The following L3MBTL4 variants were observed in gnomAD, a reference collection of about 807,000 sequenced individuals.
The protein encoded by L3MBTL4 is L3MBTL histone methyl-lysine binding protein 4.
Under a neutral mutation model 84.5 loss-of-function variants are expected in L3MBTL4, and 70 were observed. That is an observed-to-expected ratio of 0.83 (90% CI 0.68 to 1.01). The LOEUF (loss-of-function observed/expected upper bound fraction) is 1.01. L3MBTL4 is among the 50% of genes least tolerant of loss of function. L3MBTL4 has a pLI of 0.00. For synonymous variants in L3MBTL4, 274 were observed against 259.8 expected, an observed-to-expected ratio of 1.05 and a Z score of -0.52; for missense variants, 715 against 754.8, an observed-to-expected ratio of 0.95 and a Z score of 0.62.
At chr18:6,295,340 C>CTA (rs1477775190) in intron 4 of L3MBTL4, among the ~76,000 whole-genome samples, 86 of 122,692 alleles carry the variant, frequency 7.0e-4, no homozygotes, top group Middle Eastern at 7.9e-3. Flanking sequence ...CTCTCTCTCT[C>CTA]TCTCTCTATA....
In L3MBTL4 at chr18:6,213,181, T is replaced by C. The variant is rs1413398825; in HGVS notation, c.949A>G (p.Thr317Ala). Reference sequence around the variant, plus strand: ...CTTTGGTCATCAACATCTACAATCGTAGCAACACGAATTAACCTGGGGTTC... The same window carrying C: ...CTTTGGTCATCAACATCTACAATCGCAGCAACACGAATTAACCTGGGGTTC... ...KRNPRLIRVA[T>A]IVDVDDQRVK... Residue 317 changes from threonine to alanine, a missense_variant, in exon 12 of 19, where the codon ACG (threonine) becomes GCG (alanine). Physicochemically the swap from Thr to Ala is moderately conservative, Grantham distance 58. Transcript: ENST00000317931. 3 of 1,607,636 alleles carry C rather than the reference T, an allele frequency of 1.9e-6. No individual in the cohort carries two copies. The highest frequency in any genetic ancestry group is 3.4e-5 in the Admixed American group (2 of 58,934).
chr18:6,383,350 C>G (rs1168344238), intron 1 of L3MBTL4, among the ~76,000 whole-genome samples: 1 of 152,042 alleles, frequency 6.6e-6, no homozygotes, highest in African/African-American at 2.4e-5. Flanking sequence ...CCAGGTGCCA[C>G]TGGGATACAA....
chr18:6,326,514 T>C (rs1012836892), intron 1 of L3MBTL4: 14 of 152,226 alleles, frequency 9.2e-5, no homozygotes, highest in African/African-American at 3.1e-4. Context: ...ATCTTAGATC[T>C]TCTTCCTGCA....
intron 10 of L3MBTL4, among the ~76,000 whole-genome samples, chr18:6,219,208 C>T (rs1312442095): frequency 6.6e-6 from 1 of 151,884 alleles, no homozygotes; most frequent in African/African-American, 2.4e-5. Flanking sequence ...GTGGCTCCAT[C>T]AACCTCATAC....
intron 1 of L3MBTL4, among the ~76,000 whole-genome samples, chr18:6,314,011 G>T (rs1245212127): frequency 6.6e-6 from 1 of 151,874 alleles, no homozygotes; most frequent in African/African-American, 2.4e-5. Context: ...CATAGGAGAT[G>T]AATGTTATAC....
chr18:6,021,467 C>CCATGA (rs918168139), intron 16 of L3MBTL4, among the ~76,000 whole-genome samples: 1 of 152,168 alleles, frequency 6.6e-6, no homozygotes, highest in African/African-American at 2.4e-5. Flanking sequence ...AGAGCTAAGA[C>CCATGA]CATGAGTCAC....
At chr18:5,970,278 T>C (rs952006575) in intron 16 of L3MBTL4, among the ~76,000 whole-genome samples, 2 of 152,196 alleles carry the variant, frequency 1.3e-5, no homozygotes, top group African/African-American at 2.4e-5. Context: ...GAATGTACCA[T>C]GGTTATAAAG....
In L3MBTL4 at chr18:6,173,601, G is replaced by A. The variant is rs139461992; in HGVS notation, c.982-1659C>T. On this transcript the variant is annotated intron_variant, in intron 12 of 18. Coordinates refer to ENST00000317931, the MANE Select transcript of L3MBTL4 (RefSeq NM_001330559.2). Reference sequence around the variant, plus strand: ...TCCAGACCAGCCTGGACAACATGGTGAAACCTCATCTCTACAAAAAATACA... The same window carrying A: ...TCCAGACCAGCCTGGACAACATGGTAAAACCTCATCTCTACAAAAAATACA... Among the ~76,000 whole-genome samples, 1,061 of 152,202 alleles carry A rather than the reference G, an allele frequency of 7.0e-3. 39 individuals carry two copies. In the East Asian group the frequency reaches 0.077, roughly 11 times the overall value.
chr18:6,412,062 G>T (rs1026457301), intron 1 of L3MBTL4, among the ~76,000 whole-genome samples: 1 of 151,992 alleles, frequency 6.6e-6, no homozygotes, highest in African/African-American at 2.4e-5. Flanking sequence ...GTTTCCTGGG[G>T]GTTTGTTGTA....
chr18:6,391,533 G>C (rs900245527), intron 1 of L3MBTL4, among the ~76,000 whole-genome samples: 2 of 151,974 alleles, frequency 1.3e-5, no homozygotes, highest in Non-Finnish European at 2.9e-5. Context: ...GGAAAAGAGG[G>C]AGTCAAACTA....
At chr18:6,022,691 T>C (rs2055324879) in intron 16 of L3MBTL4, among the ~76,000 whole-genome samples, 1 of 152,242 alleles carries the variant, frequency 6.6e-6, no homozygotes, top group Non-Finnish European at 1.5e-5. Context: ...TGTTGTTGAT[T>C]TGAGAAAATT....
At chr18:6,158,263 C>A (rs749842591) in intron 13 of L3MBTL4, among the ~76,000 whole-genome samples, 3 of 152,080 alleles carry the variant, frequency 2.0e-5, no homozygotes, top group Admixed American at 2.0e-4. Flanking sequence ...TTTTGCACTG[C>A]GGAGATAAGG....
intron 16 of L3MBTL4, among the ~76,000 whole-genome samples, chr18:5,996,040 T>G (rs1156472087): frequency 6.6e-6 from 1 of 152,220 alleles, no homozygotes; most frequent in East Asian, 1.9e-4. Flanking sequence ...TTGCTTTTAT[T>G]ATTATTTTTG....
chr18:6,110,688 G>A lies in L3MBTL4; in HGVS notation c.1200-17160C>T, dbSNP rs559193011. Among the ~76,000 whole-genome samples the A allele has an allele frequency of 3.3e-5, 5 of 151,956 alleles. No homozygotes were observed. In the South Asian group the frequency reaches 8.3e-4, roughly 25 times the overall value. ...GGTGGTTGTACATGTGTATTGTGCA[G>A]GATGTGAGTGTGTGCATGTGGGTGT... On this transcript the variant is annotated intron_variant, in intron 14 of 18. Coordinates refer to ENST00000317931, the MANE Select transcript of L3MBTL4 (RefSeq NM_001330559.2).
chr18:6,229,256 T>A (rs1481699518), intron 10 of L3MBTL4, among the ~76,000 whole-genome samples: 1 of 152,192 alleles, frequency 6.6e-6, no homozygotes, highest in African/African-American at 2.4e-5. Flanking sequence ...CTGTTTTTTA[T>A]CTATAAGACT....
intron 1 of L3MBTL4, among the ~76,000 whole-genome samples, chr18:6,353,040 T>G (rs2053271838): frequency 6.6e-6 from 1 of 152,324 alleles, no homozygotes; most frequent in East Asian, 1.9e-4. Flanking sequence ...ATGTAAATTA[T>G]AACTTACCAC....
chr18:6,342,124 T>G (rs1379954006), intron 1 of L3MBTL4, among the ~76,000 whole-genome samples: 1 of 152,126 alleles, frequency 6.6e-6, no homozygotes, highest in African/African-American at 2.4e-5. Context: ...TTACAAGATA[T>G]GCTAAAAGAG....
intron 4 of L3MBTL4, among the ~76,000 whole-genome samples, chr18:6,298,997 G>T (rs1893145841): frequency 6.6e-6 from 1 of 152,158 alleles, no homozygotes; most frequent in African/African-American, 2.4e-5. Context: ...CAGTTCACTT[G>T]TTCAACTGAA....
At chr18:6,241,502 AT>A in intron 7 of L3MBTL4, 53 bp from the exon 8 acceptor site, 2 of 959,584 alleles carry the variant, frequency 2.1e-6, no homozygotes, top group Non-Finnish European at 3.3e-6. Context: ...TCACATGCAT[AT>A]TAAATATATT....
Sources: gnomAD v4.1 joint callset for allele counts (sites outside exome capture counted in the v4.1 genomes callset) on GRCh38, gnomAD v4.1.1 for gene constraint, MANE v1.5 for transcripts, NCBI Gene and HGNC (gene_info 2026-07-23, HGNC 2026-07-21) for gene names.